The following HPCAL1 variants were observed in gnomAD, a reference collection of about 807,000 sequenced individuals.
The protein encoded by HPCAL1 is hippocalcin-like protein 1.
Under a neutral mutation model 17.1 loss-of-function variants are expected in HPCAL1, and 8 were observed. The ratio of observed to expected loss-of-function variants is 0.47; its 90% CI spans 0.27 to 0.84. The LOEUF (loss-of-function observed/expected upper bound fraction) is 0.84, where lower values mean the gene tolerates loss of function less well. Ranked by LOEUF, HPCAL1 falls within the 40% of genes least tolerant of loss-of-function variation. The pLI is 0.13. For synonymous variants in HPCAL1, 112 were observed against 111.4 expected (o/e 1.01, Z -0.03); for missense variants, 165 against 271.1 (o/e 0.61, Z 2.75).
intron 1 of HPCAL1, among the ~76,000 whole-genome samples, chr2:10,341,873 C>T (rs1291254141): frequency 6.6e-6 from 1 of 152,062 alleles, no homozygotes; most frequent in African/African-American, 2.4e-5. Context: ...CAAAGTTTCT[C>T]TGGGCTGGGC....
At chr2:10,346,692 T>C (rs951669254) in intron 1 of HPCAL1, among the ~76,000 whole-genome samples, 6 of 152,178 alleles carry the variant, frequency 3.9e-5, no homozygotes, top group African/African-American at 9.7e-5. Flanking sequence ...GTAGCAGGCG[T>C]TGGCATCATC....
intron 1 of HPCAL1, among the ~76,000 whole-genome samples, chr2:10,378,789 C>G (rs756742420): frequency 6.6e-6 from 1 of 152,096 alleles, no homozygotes; most frequent in Non-Finnish European, 1.5e-5. Context: ...TTGCTGGGCA[C>G]CTGAGCTGGT....
chr2:10,418,142 C>T (rs12473202), intron 2 of HPCAL1, among the ~76,000 whole-genome samples: 47 of 152,022 alleles, frequency 3.1e-4, no homozygotes, highest in African/African-American at 1.1e-3. Flanking sequence ...ATGGGCTGGG[C>T]GTGGTGGCTT....
At chr2:10,417,878 CAA>C (rs1267172447) in intron 2 of HPCAL1, among the ~76,000 whole-genome samples, 3 of 134,344 alleles carry the variant, frequency 2.2e-5, no homozygotes, top group Non-Finnish European at 1.6e-5. Context: ...CCTGTTTCTA[CAA>C]AAAAAAAAAA....
At chr2:10,308,018 G>A (rs1662731342) in intron 1 of HPCAL1, among the ~76,000 whole-genome samples, 1 of 152,168 alleles carries the variant, frequency 6.6e-6, no homozygotes, top group Non-Finnish European at 1.5e-5. Context: ...CAGAGTTTAA[G>A]GTCTTGGGCT....
intron 1 of HPCAL1, among the ~76,000 whole-genome samples, chr2:10,311,703 G>C (rs1192829812): frequency 2.0e-5 from 3 of 152,096 alleles, no homozygotes; most frequent in Non-Finnish European, 4.4e-5. Flanking sequence ...ACTGTGGCCT[G>C]TAGCTCCTTC....
At position 10,323,527 on chromosome 2, in the gene HPCAL1, G is replaced by GGCAGTTACAC. The variant is rs1406214874; in HGVS notation, c.-111+20351_-111+20352insCAGTTACACG. The stretch of plus-strand genomic sequence containing the variant: ...ACAATGGGTGACTGAGGCAGTTACA[G>GGCAGTTACAC]GTGTCAGCCCCAGATGAGGCTCCCC... On this transcript the variant is annotated intron_variant, in intron 1 of 4. Coordinates refer to ENST00000307845, the MANE Select transcript of HPCAL1 (RefSeq NM_002149.4). The surrounding 1 kb of genome is among the most constrained non-coding windows in gnomAD (Gnocchi z 4.6). Among the ~76,000 whole-genome samples the GGCAGTTACAC allele has an allele frequency of 6.6e-6, 1 of 152,196 alleles. No homozygotes were observed. Among genetic ancestry groups the GGCAGTTACAC allele is most frequent in the East Asian group, 1.9e-4 (1 of 5,198 alleles).
intron 2 of HPCAL1, among the ~76,000 whole-genome samples, chr2:10,411,971 A>T (rs548341567): frequency 1.4e-4 from 21 of 152,038 alleles, no homozygotes; most frequent in Non-Finnish European, 2.2e-4. Flanking sequence ...AGCTTTGGAG[A>T]TGGGGCTGGG....
intron 1 of HPCAL1, among the ~76,000 whole-genome samples, chr2:10,396,530 A>G (rs1454889074): frequency 1.3e-5 from 2 of 152,186 alleles, no homozygotes; most frequent in Non-Finnish European, 2.9e-5. Flanking sequence ...TCCCGGCCAC[A>G]CTTAGTTTCC....
At chr2:10,375,568 G>A (rs1041454370) in intron 1 of HPCAL1, among the ~76,000 whole-genome samples, 1 of 152,226 alleles carries the variant, frequency 6.6e-6, no homozygotes, top group Non-Finnish European at 1.5e-5. Context: ...GCAGTGTGGC[G>A]TGTTGGGTTA....
chr2:10,417,358 C>T (rs1670740159), intron 2 of HPCAL1, among the ~76,000 whole-genome samples: 1 of 150,508 alleles, frequency 6.6e-6, no homozygotes, highest in South Asian at 2.1e-4. Flanking sequence ...AGCGAAACTC[C>T]CTCTCAAAAA....
intron 4 of HPCAL1, chr2:10,425,407 A>G (rs1288543399): frequency 6.6e-6 from 1 of 152,210 alleles, no homozygotes; most frequent in Non-Finnish European, 1.5e-5. Context: ...CAGGCCCCAG[A>G]GGCATCAAGT....
At position 10,390,307 on chromosome 2, in the gene HPCAL1, C is replaced by T. The variant is rs117056630; in HGVS notation, c.-110-6528C>T. Among the ~76,000 whole-genome samples the T allele has an allele frequency of 1.1e-3, 160 of 152,280 alleles. 3 individuals are homozygous for T. The South Asian group carries it at 0.022, about 21-fold the overall frequency. ...GTGGTCTCCTCAGGACACATAGGCT[C>T]CTCTGTAACTCAGTTTCTTGAATTG... is the stretch of plus-strand genomic sequence containing the variant. On this transcript the variant is annotated intron_variant, in intron 1 of 4. Coordinates refer to ENST00000307845, the MANE Select transcript of HPCAL1 (RefSeq NM_002149.4).
chr2:10,397,594 CCTGGCCA>C (rs1464129062), intron 2 of HPCAL1, among the ~76,000 whole-genome samples: 1 of 152,222 alleles, frequency 6.6e-6, no homozygotes, highest in Non-Finnish European at 1.5e-5. Flanking sequence ...ACCACCCTGG[CCTGGCCA>C]CTGGTCGCCT....
At position 10,344,965 on chromosome 2, in the gene HPCAL1, ATCTC is replaced by A. The variant is rs775050947; in HGVS notation, c.-111+41796_-111+41799del. 6.6e-5 allele frequency among the ~76,000 whole-genome samples: 4 copies of A among 60,582 alleles called. No homozygotes were observed. Among genetic ancestry groups the A allele is most frequent in the Non-Finnish European group, 1.1e-4 (3 of 28,026 alleles). The allele number at this position is 60,582 out of a possible 152,430, so 39.7% of individuals were successfully genotyped here. On this transcript the variant is annotated intron_variant, in intron 1 of 4. Transcript: ENST00000307845. This position sits in a 1 kb window ranked among gnomAD's most constrained non-coding sequence, Gnocchi z 4.9. ...TCTTTCTGCCTCTCTCTATGTGTCC[ATCTC>A]TCTCTCTTTTTCTGTGTGTCTCTCT... is the stretch of plus-strand genomic sequence containing the variant.
In HPCAL1 at chr2:10,400,967, C is replaced by T. The variant is rs563320805; in HGVS notation, c.-25+4047C>T. ...CGGGCTCTGTGTGAAGGGCTGCATCCAGATCCCACATGAGCAAGACCGGCC... is the reference window on the plus strand; with the variant it reads ...CGGGCTCTGTGTGAAGGGCTGCATCTAGATCCCACATGAGCAAGACCGGCC... On this transcript the variant is annotated intron_variant, in intron 2 of 4. Transcript: ENST00000307845. Among the ~76,000 whole-genome samples the T allele has an allele frequency of 1.1e-4, 17 of 152,384 alleles. No individual in the cohort carries two copies. In the East Asian group the frequency reaches 2.7e-3, roughly 24 times the overall value.
chr2:10,345,463 A>G (rs1429522791), intron 1 of HPCAL1, among the ~76,000 whole-genome samples: 3 of 47,930 alleles, frequency 6.3e-5, no homozygotes, highest in Non-Finnish European at 1.1e-4. Flanking sequence ...TCCTAGAAAA[A>G]CTTTTTTTTT....
chr2:10,400,326 G>A (rs186489441), intron 2 of HPCAL1, among the ~76,000 whole-genome samples: 80 of 152,342 alleles, frequency 5.3e-4, no homozygotes, highest in Middle Eastern at 3.4e-3. Context: ...GCAGCCCTCT[G>A]TGTCCCTTAA....
chr2:10,417,228 TG>T lies in HPCAL1; in HGVS notation c.-24-2504del, dbSNP rs1485071173. Reference sequence around the variant, plus strand: ...AAATACAAAAATTAGCTGGGCATGGTGGTGCATACCTGTAATTCCAGCTACT... The same window carrying T: ...AAATACAAAAATTAGCTGGGCATGGTGTGCATACCTGTAATTCCAGCTACT... On this transcript the variant is annotated intron_variant, in intron 2 of 4. Transcript: ENST00000307845. Among the ~76,000 whole-genome samples the T allele has an allele frequency of 3.3e-5, 5 of 152,098 alleles. No individual in the cohort carries two copies. The East Asian group carries it at 9.6e-4, about 29-fold the overall frequency.
Sources: allele counts gnomAD v4.1 joint callset (sites outside exome capture counted in the v4.1 genomes callset), GRCh38; gene constraint gnomAD v4.1.1; non-coding constraint Gnocchi (gnomAD v3.1); transcripts MANE v1.5; gene names NCBI Gene and HGNC (gene_info 2026-07-23, HGNC 2026-07-21).